ATRNL1: variants seen among roughly 807,000 people sequenced by gnomAD.
The protein encoded by ATRNL1 is attractin-like protein 1.
ATRNL1 carries 95 observed loss-of-function variants against 182.7 expected under a neutral mutation model. The ratio of observed to expected loss-of-function variants is 0.52; its 90% CI spans 0.44 to 0.62. The LOEUF is 0.62. Among genes scored for constraint, ATRNL1 ranks in the 20% least tolerant of loss-of-function variants. The pLI, the probability that ATRNL1 is intolerant of heterozygous loss-of-function variation, is 0.00. For synonymous variants in ATRNL1, 576 were observed against 568.3 expected (o/e 1.01, Z -0.19); for missense variants, 1,471 against 1,679.5 (o/e 0.88, Z 2.17).
chr10:115,714,062 G>A (rs1947172039), intron 26 of ATRNL1, among the ~76,000 whole-genome samples: 2 of 152,100 alleles, frequency 1.3e-5, no homozygotes, highest in Admixed American at 6.6e-5. Context: ...ATAGTAAATG[G>A]CATATTAAGG....
intron 6 of ATRNL1, among the ~76,000 whole-genome samples, chr10:115,161,171 T>A (rs879957585): frequency 6.6e-6 from 1 of 151,986 alleles, no homozygotes; most frequent in Non-Finnish European, 1.5e-5. Flanking sequence ...ACTGAATATA[T>A]TAACCCTCAT....
chr10:115,455,838 C>G (rs1405023033), intron 21 of ATRNL1, among the ~76,000 whole-genome samples: 1 of 152,224 alleles, frequency 6.6e-6, no homozygotes, highest in African/African-American at 2.4e-5. Context: ...TATGAACAGA[C>G]ACTTCTCACA....
chr10:115,222,503 ATAT>A (rs1214808702), intron 9 of ATRNL1, among the ~76,000 whole-genome samples: 3 of 152,330 alleles, frequency 2.0e-5, no homozygotes, highest in Non-Finnish European at 1.5e-5. Flanking sequence ...AAACTCAGAA[ATAT>A]TATAGTAAAA....
At position 115,093,486 on chromosome 10, in the gene ATRNL1, C is replaced by T. The variant is rs1256769265; in HGVS notation, c.-265C>T. 6.4e-6 allele frequency: 4 copies of T among 624,000 alleles called. No homozygotes were observed. Among genetic ancestry groups the T allele is most frequent in the South Asian group, 1.6e-5 (1 of 63,744 alleles). The allele number at this position is 624,000 out of a possible 1,614,324, so 38.7% of individuals were successfully genotyped here. Reference sequence around the variant, plus strand: ...CCCGCTCCCCGCCTCCGGCCGGGTCCGGGACGCCGCGGCTGTGGGGTCGGC... The same window carrying T: ...CCCGCTCCCCGCCTCCGGCCGGGTCTGGGACGCCGCGGCTGTGGGGTCGGC... On this transcript the variant is annotated 5_prime_UTR_variant, in exon 1 of 29. Transcript: ENST00000355044. This position sits in a 1 kb window ranked among gnomAD's most constrained non-coding sequence, Gnocchi z 6.1.
rs551149548 is a variant in ATRNL1 at position 115,677,120 on chromosome 10, C to T, written c.3796-50128C>T. Among the ~76,000 whole-genome samples, 58 of 152,034 alleles carry T rather than the reference C, an allele frequency of 3.8e-4. 1 individual carries two copies. The South Asian group carries it at 0.012, about 30-fold the overall frequency. On this transcript the variant is annotated intron_variant, in intron 26 of 28. Coordinates refer to ENST00000355044, the MANE Select transcript of ATRNL1 (RefSeq NM_207303.4). ...TTAATATCTGTTGAATAAATGCATT[C>T]ATGAAAGAATGAATAAAAGAAAACA...
intron 28 of ATRNL1, among the ~76,000 whole-genome samples, chr10:115,933,147 T>C (rs916979045): frequency 6.6e-6 from 1 of 152,172 alleles, no homozygotes; most frequent in Non-Finnish European, 1.5e-5. Flanking sequence ...ATTAGAAAAG[T>C]AAATTTTAAA....
chr10:115,848,270 T>A (rs1485686090), intron 28 of ATRNL1, among the ~76,000 whole-genome samples: 3 of 152,212 alleles, frequency 2.0e-5, no homozygotes, highest in Non-Finnish European at 4.4e-5. Flanking sequence ...TTGCTGGAAT[T>A]ACAATGAGAA....
At chr10:115,901,117 T>C (rs2134490093) in intron 28 of ATRNL1, among the ~76,000 whole-genome samples, 1 of 152,298 alleles carries the variant, frequency 6.6e-6, no homozygotes, top group Admixed American at 6.5e-5. Context: ...TTGACAAATA[T>C]ATTAATGTCA....
intron 26 of ATRNL1, among the ~76,000 whole-genome samples, chr10:115,677,653 T>A (rs1279438168): frequency 6.6e-6 from 1 of 152,084 alleles, no homozygotes; most frequent in Non-Finnish European, 1.5e-5. Flanking sequence ...TTCTGAGGCC[T>A]CCCTAGCTAT....
intron 26 of ATRNL1, among the ~76,000 whole-genome samples, chr10:115,599,409 G>C (rs1590734): frequency 0.5 from 76,661 of 151,994 alleles, 20,449 homozygotes; most frequent in African/African-American, 0.64. Flanking sequence ...CCAGGAGACA[G>C]TTAATTAGTT....
intron 21 of ATRNL1, among the ~76,000 whole-genome samples, chr10:115,439,156 T>A (rs1465467725): frequency 6.6e-6 from 1 of 151,892 alleles, no homozygotes; most frequent in African/African-American, 2.4e-5. Context: ...TGGATCGTCA[T>A]AAAGGTCTTC....
At chr10:115,803,091 A>G (rs1555084740) in intron 27 of ATRNL1, among the ~76,000 whole-genome samples, 1 of 152,236 alleles carries the variant, frequency 6.6e-6, no homozygotes, top group Non-Finnish European at 1.5e-5. Context: ...CCACACAGCC[A>G]GTACTAGAAA....
chr10:115,584,181 A>G (rs562662221), intron 26 of ATRNL1, among the ~76,000 whole-genome samples: 5 of 149,318 alleles, frequency 3.3e-5, no homozygotes, highest in African/African-American at 1.2e-4. Flanking sequence ...TTTTGCATCA[A>G]TGTTCATCAA....
intron 26 of ATRNL1, among the ~76,000 whole-genome samples, chr10:115,684,436 A>C (rs1946153368): frequency 6.7e-6 from 1 of 148,344 alleles, no homozygotes; most frequent in South Asian, 2.2e-4. Flanking sequence ...AGTACAAATA[A>C]AAAAAGTTTC....
intron 27 of ATRNL1, among the ~76,000 whole-genome samples, chr10:115,800,529 C>T (rs1949768039): frequency 6.6e-6 from 1 of 151,932 alleles, no homozygotes; most frequent in Non-Finnish European, 1.5e-5. Context: ...GGTCTGATTC[C>T]CCCGCAGGAA....
intron 26 of ATRNL1, among the ~76,000 whole-genome samples, chr10:115,574,268 A>C (rs1555004415): frequency 1.3e-5 from 2 of 151,118 alleles, no homozygotes; most frequent in East Asian, 3.9e-4. Context: ...CTACATATGT[A>C]CATGTATATA....
intron 26 of ATRNL1, among the ~76,000 whole-genome samples, chr10:115,645,805 C>A (rs1473418616): frequency 6.6e-6 from 1 of 151,944 alleles, no homozygotes; most frequent in African/African-American, 2.4e-5. Context: ...TGTTACTGTT[C>A]TTGAAGCCCC....
chr10:115,287,920 A>C (rs1328158730), intron 15 of ATRNL1, among the ~76,000 whole-genome samples: 1 of 140,532 alleles, frequency 7.1e-6, no homozygotes, highest in Non-Finnish European at 1.5e-5. Context: ...CTATAAGATC[A>C]ACTGTTTTTT....
intron 20 of ATRNL1, among the ~76,000 whole-genome samples, chr10:115,415,467 C>T (rs1554960677): frequency 6.6e-6 from 1 of 151,300 alleles, no homozygotes; most frequent in African/African-American, 2.4e-5. Context: ...ATATTTCCTC[C>T]CAGTTTGTCA....
Sources: allele counts gnomAD v4.1 joint callset (sites outside exome capture counted in the v4.1 genomes callset), GRCh38; gene constraint gnomAD v4.1.1; non-coding constraint Gnocchi (gnomAD v3.1); transcripts MANE v1.5; gene names NCBI Gene and HGNC (gene_info 2026-07-23, HGNC 2026-07-21).